The following TARS3 variants were observed in gnomAD, a reference collection of about 807,000 sequenced individuals.
TARS3 encodes threonine--tRNA ligase 2, cytoplasmic.
Under a neutral mutation model 103.5 loss-of-function variants are expected in TARS3, and 94 were observed. The ratio of observed to expected loss-of-function variants is 0.91; its 90% CI spans 0.77 to 1.08. The LOEUF is 1.08. TARS3 is among the 50% of genes least tolerant of loss of function. TARS3 has a pLI of 0.00. For missense variants in TARS3, 952 were observed against 995.2 expected (o/e 0.96, Z 0.58); for synonymous variants, 416 against 355.4 (o/e 1.17, Z -1.92).
At chr15:101,706,513 G>C (rs1899571647) in intron 6 of TARS3, among the ~76,000 whole-genome samples, 1 of 152,216 alleles carries the variant, frequency 6.6e-6, no homozygotes, top group East Asian at 1.9e-4. Context: ...TACACATGTA[G>C]CTCAGACTAG....
intron 12 of TARS3, 98 bp downstream of exon 12, chr15:101,683,977 A>G: frequency 7.9e-7 from 1 of 1,259,470 alleles, no homozygotes; most frequent in East Asian, 2.6e-5. Context: ...GACTAGACCA[A>G]ACGTCTATGT....
At chr15:101,675,366 G>A (rs1297568921) in intron 13 of TARS3, among the ~76,000 whole-genome samples, 1 of 152,160 alleles carries the variant, frequency 6.6e-6, no homozygotes, top group Non-Finnish European at 1.5e-5. Context: ...CAGCACTGCA[G>A]GACTATAAAT....
Position 101,657,973 on chromosome 15 carries a change from C to G in TARS3, c.2073-116G>C, listed in dbSNP as rs745484693. 6 of 614,064 alleles carry G rather than the reference C, an allele frequency of 9.8e-6. No homozygotes were observed. In the Admixed American group the frequency reaches 1.7e-4, roughly 17 times the overall value. 38.0% of individuals were successfully genotyped at this position (614,064 alleles called of 1,614,324 possible). On this transcript the variant is annotated intron_variant, in intron 16 of 18. Transcript: ENST00000335968. ...CTTCACAAGAGGGCAGTTTCAGTAG[C>G]GCAGCATGGAAGAAAACTAAATTAT... is the stretch of plus-strand genomic sequence containing the variant.
In TARS3 at chr15:101,670,134, T is replaced by G. The variant is rs1897739753; in HGVS notation, c.1967+1352A>C. Reference sequence around the variant, plus strand: ...AGCTTATAGATATGATGCCAAAGCATGATCCATAAAAGAAAAAAATGGAGA... The same window carrying G: ...AGCTTATAGATATGATGCCAAAGCAGGATCCATAAAAGAAAAAAATGGAGA... On this transcript the variant is annotated intron_variant, in intron 15 of 18. Transcript: ENST00000335968. Among the ~76,000 whole-genome samples the G allele has an allele frequency of 2.1e-4, 32 of 152,170 alleles. 1 individual carries two copies. Among genetic ancestry groups the G allele is most frequent in the Admixed American group, 2.1e-3 (32 of 15,280 alleles).
intron 13 of TARS3, among the ~76,000 whole-genome samples, chr15:101,672,124 C>T (rs562408968): frequency 6.6e-6 from 1 of 152,202 alleles, no homozygotes; most frequent in African/African-American, 2.4e-5. Context: ...GCAGAAAAGC[C>T]TTGATCACAC....
intron 4 of TARS3, among the ~76,000 whole-genome samples, chr15:101,712,711 G>A (rs549593282): frequency 6.6e-6 from 1 of 152,290 alleles, no homozygotes; most frequent in Admixed American, 6.5e-5. Context: ...TGGATAAACT[G>A]AAATTAACCA....
intron 10 of TARS3, among the ~76,000 whole-genome samples, chr15:101,697,333 G>A (rs891218642): frequency 3.3e-5 from 5 of 152,114 alleles, no homozygotes; most frequent in Admixed American, 6.6e-5. Context: ...TTCTTATTAC[G>A]AGGTGCCAGA....
intron 15 of TARS3, among the ~76,000 whole-genome samples, chr15:101,663,127 C>A (rs529131544): frequency 1.3e-5 from 2 of 152,280 alleles, no homozygotes; most frequent in African/African-American, 4.8e-5. Flanking sequence ...TGCCTAATGA[C>A]ATTTTGGTCA....
At chr15:101,718,137 T>TGTGGGCAG (rs1427780019) in intron 3 of TARS3, among the ~76,000 whole-genome samples, 2 of 152,078 alleles carry the variant, frequency 1.3e-5, no homozygotes, top group East Asian at 3.9e-4. Flanking sequence ...GGGAGGCTGC[T>TGTGGGCAG]GTGGGCAGAC....
intron 10 of TARS3, among the ~76,000 whole-genome samples, chr15:101,696,375 A>G (rs1361683939): frequency 6.6e-6 from 1 of 152,084 alleles, no homozygotes. Flanking sequence ...TAGTCTTTCT[A>G]TGATGGGAAG....
chr15:101,717,829 G>GT (rs1900232747), intron 3 of TARS3, among the ~76,000 whole-genome samples: 1 of 152,196 alleles, frequency 6.6e-6, no homozygotes, highest in Non-Finnish European at 1.5e-5. Flanking sequence ...AGCGACTTGA[G>GT]TTTTTTGTGA....
chr15:101,699,191 T>A, intron 10 of TARS3: 1 of 246,144 alleles, frequency 4.1e-6, no homozygotes, highest in Non-Finnish European at 8.1e-6. Context: ...AACAGCTGAG[T>A]TCTCCAAAAG....
chr15:101,658,981 G>A (rs1012470140), intron 16 of TARS3, among the ~76,000 whole-genome samples: 1 of 151,992 alleles, frequency 6.6e-6, no homozygotes, highest in African/African-American at 2.4e-5. Context: ...CAGTAGAGAC[G>A]GGGTTTCACC....
At position 101,721,099 on chromosome 15, in the gene TARS3, G is replaced by A. The variant is rs1596333128; in HGVS notation, c.566+27C>T. On this transcript the variant is annotated intron_variant, in intron 3 of 18. Transcript: ENST00000335968. ...GGCTTCAGTATAATTACTTAAGATT[G>A]AATATCTTTTCCACACTGCGGTTTA... 2.6e-6 allele frequency: 4 copies of A among 1,565,230 alleles called. No homozygotes were observed. The East Asian group carries it at 9.1e-5, about 36-fold the overall frequency.
intron 2 of TARS3, 117 bp downstream of exon 2, chr15:101,722,976 G>T: frequency 1.0e-6 from 1 of 983,152 alleles, no homozygotes. Flanking sequence ...ATACACTAAT[G>T]TGACCCAAAT....
At chr15:101,721,453 G>A in intron 2 of TARS3, 131 bp from the exon 3 acceptor site, 1 of 628,996 alleles carries the variant, frequency 1.6e-6, no homozygotes, top group Non-Finnish European at 2.6e-6. Flanking sequence ...ACCATGGTTT[G>A]AATTACGATT....
chr15:101,703,094 T>C (rs1899364418), intron 8 of TARS3, among the ~76,000 whole-genome samples: 1 of 152,054 alleles, frequency 6.6e-6, no homozygotes, highest in Non-Finnish European at 1.5e-5. Context: ...TGTAAGAAAA[T>C]CAAAGCCAAG....
In TARS3 at chr15:101,724,253, C is replaced by T; in HGVS notation, c.135G>A (p.Ala45=). 5 of 1,560,184 alleles carry T rather than the reference C, an allele frequency of 3.2e-6. No individual in the cohort carries two copies. The highest frequency in any genetic ancestry group is 1.8e-5 in the Admixed American group (1 of 54,566). The change falls in exon 1 of 19, where the codon GCG becomes GCA. Residue 45 remains alanine, a synonymous_variant. Coordinates refer to ENST00000335968, the MANE Select transcript of TARS3 (RefSeq NM_152334.3). ...CCTCCCGCGTGAGGCACGGCCCCTCCGCCTGGCAGCTGTAGGGCGCGTTCA... is the reference window on the plus strand; with the variant it reads ...CCTCCCGCGTGAGGCACGGCCCCTCTGCCTGGCAGCTGTAGGGCGCGTTCA... ...EQLNAPYSCQ[A]EGPCLTREVA... is the part of the protein sequence containing the mutation.
chr15:101,714,884 A>G lies in TARS3; in HGVS notation c.646T>C (p.Ser216Pro). The G allele has an allele frequency of 6.2e-7, 1 of 1,613,352 alleles. No homozygotes were observed. The highest frequency in any genetic ancestry group is 8.5e-7 in the Non-Finnish European group (1 of 1,179,598). Reference protein sequence around the residue: ...WDLDRPLEGDSSLELLTFDNE... With the variant: ...WDLDRPLEGDPSLELLTFDNE... ...TCAAATGTAAGCAGCTCTAGAGAAG[A>G]GTCCCCTTCCAATGGGCGGTCCAGG... Residue 216 changes from serine (S) to proline (P), a missense_variant, in exon 4 of 19, where the codon TCT becomes CCT. Physicochemically the swap from Ser to Pro is moderately conservative, Grantham distance 74. This residue lies in a region of TARS3 where 412 missense variants were observed against 364.2 expected (regional missense o/e 1.13). Coordinates refer to ENST00000335968, the MANE Select transcript of TARS3 (RefSeq NM_152334.3).
Sources: gnomAD v4.1 joint callset for allele counts (sites outside exome capture counted in the v4.1 genomes callset) on GRCh38, gnomAD v4.1.1 for gene constraint, gnomAD v4.1.1 regional missense constraint, MANE v1.5 for transcripts, NCBI Gene and HGNC (gene_info 2026-07-23, HGNC 2026-07-21) for gene names.